The following SH3GL2 variants were observed in gnomAD, a reference collection of about 807,000 sequenced individuals.
SH3GL2 encodes SH3 domain containing GRB2 like 2, endophilin A1, also known as endophilin-A1.
SH3GL2 carries 24 observed loss-of-function variants against 46.0 expected under a neutral mutation model. The ratio of observed to expected loss-of-function variants is 0.52; its 90% CI spans 0.38 to 0.73. SH3GL2 has a LOEUF of 0.73. Ranked by LOEUF, SH3GL2 falls within the 30% of genes least tolerant of loss-of-function variation. SH3GL2 has a pLI of 0.00. For missense variants in SH3GL2, 413 were observed against 424.2 expected (o/e 0.97, Z 0.23); for synonymous variants, 196 against 147.1 (o/e 1.33, Z -2.40).
chr9:17,726,745 A>G (rs1822029609), intron 1 of SH3GL2, among the ~76,000 whole-genome samples: 1 of 152,184 alleles, frequency 6.6e-6, no homozygotes. Context: ...GACATTTAAA[A>G]CAATGATGTA....
At chr9:17,690,129 A>G (rs1181657599) in intron 1 of SH3GL2, among the ~76,000 whole-genome samples, 2 of 152,030 alleles carry the variant, frequency 1.3e-5, no homozygotes, top group Non-Finnish European at 2.9e-5. Flanking sequence ...TCCCTTCTGG[A>G]TTGCCAAAAC....
chr9:17,794,707 T>C (rs1177314717), intron 8 of SH3GL2, among the ~76,000 whole-genome samples: 1 of 152,240 alleles, frequency 6.6e-6, no homozygotes, highest in East Asian at 1.9e-4. Flanking sequence ...CAGCGGGTCA[T>C]TTGGAATAGA....
At chr9:17,738,573 T>TAGAGAGAG (rs1251854075) in intron 1 of SH3GL2, among the ~76,000 whole-genome samples, 5 of 47,392 alleles carry the variant, frequency 1.1e-4, no homozygotes, top group Admixed American at 2.3e-4. Context: ...TACATATATA[T>TAGAGAGAG]ATAGAGAGAG....
At chr9:17,751,091 T>C (rs727112) in intron 2 of SH3GL2, among the ~76,000 whole-genome samples, 8,001 of 152,260 alleles carry the variant, frequency 0.053, 654 homozygotes, top group African/African-American at 0.18. Flanking sequence ...TGAAAATTAT[T>C]GTGGGAAATC....
At chr9:17,605,780 C>A (rs952378442) in intron 1 of SH3GL2, among the ~76,000 whole-genome samples, 3 of 152,124 alleles carry the variant, frequency 2.0e-5, no homozygotes, top group African/African-American at 4.8e-5. Context: ...TATTACATTC[C>A]TAAAGACTCT....
At chr9:17,616,191 T>C (rs997465789) in intron 1 of SH3GL2, among the ~76,000 whole-genome samples, 2 of 152,186 alleles carry the variant, frequency 1.3e-5, no homozygotes, top group African/African-American at 4.8e-5. Context: ...GAAGCACTTA[T>C]GTTTCTGGAA....
intron 2 of SH3GL2, among the ~76,000 whole-genome samples, chr9:17,753,008 G>C (rs1033782737): frequency 6.6e-6 from 1 of 152,092 alleles, no homozygotes; most frequent in Non-Finnish European, 1.5e-5. Context: ...ATGGCCTCCA[G>C]GTTCATCCAT....
Position 17,713,637 on chromosome 9 carries a change from A to G in SH3GL2, c.46-33429A>G, listed in dbSNP as rs76102237. ...TAATTTTCTTTTGATTTCTTTATTA[A>G]CCAGTGGATTATTTAGAAGTGCATT... On this transcript the variant is annotated intron_variant, in intron 1 of 8. Coordinates refer to ENST00000380607, the MANE Select transcript of SH3GL2 (RefSeq NM_003026.5). 1.5e-3 allele frequency among the ~76,000 whole-genome samples: 226 copies of G among 151,588 alleles called. 2 individuals carry two copies. Among genetic ancestry groups the G allele is most frequent in the African/African-American group, 5.3e-3 (219 of 41,440 alleles).
intron 1 of SH3GL2, among the ~76,000 whole-genome samples, chr9:17,716,960 T>G (rs1203814246): frequency 1.3e-5 from 2 of 152,236 alleles, no homozygotes; most frequent in East Asian, 3.9e-4. Flanking sequence ...GGTTGATTGG[T>G]TGGTTGGTTT....
chr9:17,682,824 T>C (rs1820807547), intron 1 of SH3GL2, among the ~76,000 whole-genome samples: 1 of 152,130 alleles, frequency 6.6e-6, no homozygotes, highest in African/African-American at 2.4e-5. Flanking sequence ...GCTCATAGTT[T>C]GCAAGTTAAC....
At chr9:17,755,440 G>GT (rs1313722586) in intron 2 of SH3GL2, among the ~76,000 whole-genome samples, 1 of 152,136 alleles carries the variant, frequency 6.6e-6, no homozygotes, top group Non-Finnish European at 1.5e-5. Flanking sequence ...TTGGCCTGAA[G>GT]TTTTCTTTTT....
At chr9:17,654,910 A>G (rs565475437) in intron 1 of SH3GL2, among the ~76,000 whole-genome samples, 1 of 152,290 alleles carries the variant, frequency 6.6e-6, no homozygotes, top group Admixed American at 6.5e-5. Context: ...TTTAATGACA[A>G]AGTCATGCTC....
chr9:17,735,786 T>C (rs1406252352), intron 1 of SH3GL2: 1 of 967,026 alleles, frequency 1.0e-6, no homozygotes, highest in East Asian at 1.1e-4. Flanking sequence ...GAAAGCATAA[T>C]AGGAAAGAAG....
chr9:17,648,609 A>G (rs1182807551), intron 1 of SH3GL2, among the ~76,000 whole-genome samples: 1 of 152,186 alleles, frequency 6.6e-6, no homozygotes, highest in Non-Finnish European at 1.5e-5. Context: ...TATTATTATA[A>G]TAAATTTATT....
At chr9:17,685,719 G>A (rs1484037866) in intron 1 of SH3GL2, among the ~76,000 whole-genome samples, 1 of 151,916 alleles carries the variant, frequency 6.6e-6, no homozygotes, top group African/African-American at 2.4e-5. Flanking sequence ...TTTCCCCATT[G>A]CTTGTTTTTC....
chr9:17,638,539 G>C (rs1819599969), intron 1 of SH3GL2, among the ~76,000 whole-genome samples: 1 of 152,192 alleles, frequency 6.6e-6, no homozygotes, highest in African/African-American at 2.4e-5. Context: ...AATTATTTTG[G>C]ATAGAGTGGT....
At chr9:17,779,769 T>C (rs1420594417) in intron 3 of SH3GL2, among the ~76,000 whole-genome samples, 2 of 152,176 alleles carry the variant, frequency 1.3e-5, no homozygotes, top group Non-Finnish European at 2.9e-5. Context: ...GTTGGTTTTC[T>C]TTACCCCCCA....
At chr9:17,591,274 A>C (rs1262919095) in intron 1 of SH3GL2, 1 of 152,132 alleles carries the variant, frequency 6.6e-6, no homozygotes, top group Non-Finnish European at 1.5e-5. Context: ...AGTTATACTG[A>C]TATTTTGTGA....
intron 1 of SH3GL2, among the ~76,000 whole-genome samples, chr9:17,698,442 GT>G (rs1165485061): frequency 6.6e-6 from 1 of 152,200 alleles, no homozygotes; most frequent in Non-Finnish European, 1.5e-5. Context: ...GTTATGGTGA[GT>G]GGGAGACAGC....
Sources: gnomAD v4.1 joint callset for allele counts (sites outside exome capture counted in the v4.1 genomes callset) on GRCh38, gnomAD v4.1.1 for gene constraint, MANE v1.5 for transcripts, NCBI Gene and HGNC (gene_info 2026-07-23, HGNC 2026-07-21) for gene names.